The following CYP21A2 variants were observed in gnomAD, a reference collection of about 807,000 sequenced individuals.
The protein encoded by CYP21A2 is cytochrome P450 family 21 subfamily A member 2, also known as steroid 21-hydroxylase.
A neutral mutation model predicts 47.4 loss-of-function variants in CYP21A2; 24 were observed. That is an observed-to-expected ratio of 0.51 (90% CI 0.37 to 0.71). The LOEUF (loss-of-function observed/expected upper bound fraction) is 0.71. Among genes scored for constraint, CYP21A2 ranks in the 30% least tolerant of loss-of-function variants. The pLI is 0.00. For synonymous variants in CYP21A2, 130 were observed against 273.9 expected, an observed-to-expected ratio of 0.47 and a Z score of 5.19; for missense variants, 358 against 643.2, an observed-to-expected ratio of 0.56 and a Z score of 4.80.
chr6:32,039,655 C>T lies in CYP21A2; in HGVS notation c.651+8C>T, dbSNP rs1776127751. On this transcript the variant is annotated splice_region_variant and intron_variant, in intron 5 of 9. Transcript: ENST00000644719. ...GTGATTCCCTTTCTCAGGGTGAGGA[C>T]CTGGAGCCTAGACACCCCTGGGTTG... 3 of 1,562,832 alleles carry T rather than the reference C, an allele frequency of 1.9e-6. No homozygotes were observed. The highest frequency in any genetic ancestry group is 1.7e-6 in the Non-Finnish European group (2 of 1,152,656).
Position 32,040,142 on chromosome 6 carries a change from T to C in CYP21A2, c.876T>C (p.Gly292=), listed in dbSNP as rs1250938563. The C allele has an allele frequency of 6.2e-7, 1 of 1,612,846 alleles. No individual in the cohort carries two copies. The change falls in exon 7 of 10, where the codon GGT becomes GGC. Residue 292 remains glycine (G), a synonymous_variant. Coordinates refer to ENST00000644719, the MANE Select transcript of CYP21A2 (RefSeq NM_000500.9). ...TGGCTGCAGTGGACCTCCTGATCGG[T>C]GGCACTGAGACCACAGCAAACACCC... ...VHMAAVDLLI[G]GTETTANTLS...
At position 32,041,468 on chromosome 6, in the gene CYP21A2, AAG is replaced by A. The variant is rs529347972; in HGVS notation, c.*341_*342del. Reference sequence around the variant, plus strand: ...CTCACTCCCTGGGAAAGGGGTTGTCAAGAGAGAGTCAAAGCCGGATGTCCCAT... The same window carrying A: ...CTCACTCCCTGGGAAAGGGGTTGTCAAGAGAGTCAAAGCCGGATGTCCCAT... On this transcript the variant is annotated 3_prime_UTR_variant, in exon 10 of 10. Transcript: ENST00000644719. The A allele has an allele frequency of 1.4e-4, 148 of 1,053,114 alleles. 2 individuals carry two copies. In the South Asian group the frequency reaches 1.8e-3, roughly 13 times the overall value. 65.2% of individuals were successfully genotyped at this position (1,053,114 alleles called of 1,614,324 possible).
Position 32,040,882 on chromosome 6 carries a change from G to C in CYP21A2, c.1236G>C (p.Glu412Asp). ...ACCCGCCCGCAGATCGCTTCCTGGA[G>C]CCAGGCAAGAACTCCAGAGCTCTGG... ...PHEFWPDRFLEPGKNSRALAF... is the reference protein window; with the variant it reads ...PHEFWPDRFLDPGKNSRALAF... The change falls in exon 10 of 10, where the codon GAG becomes GAC. Residue 412 changes from glutamate to aspartate, a missense_variant. By Grantham distance (45) the Glu-to-Asp change is conservative. Coordinates refer to ENST00000644719, the MANE Select transcript of CYP21A2 (RefSeq NM_000500.9). The C allele has an allele frequency of 7.5e-7, 1 of 1,333,242 alleles. No homozygotes were observed. Among genetic ancestry groups the C allele is most frequent in the African/African-American group, 1.4e-5 (1 of 70,678 alleles). 82.6% of individuals were successfully genotyped at this position (1,333,242 alleles called of 1,614,324 possible). A position where few individuals can be genotyped will look rare whatever the true frequency, so the allele number is the denominator to read the frequency against.
chr6:32,040,478 A>G lies in CYP21A2; in HGVS notation c.1012A>G (p.Lys338Glu). The G allele has an allele frequency of 6.2e-7, 1 of 1,613,342 alleles. No individual in the cohort carries two copies. Among genetic ancestry groups the G allele is most frequent in the Non-Finnish European group, 8.5e-7 (1 of 1,179,780 alleles). Residue 338 changes from lysine (K) to glutamate (E), a missense_variant, in exon 8 of 10, where the codon AAG (lysine) becomes GAG (glutamate). Physicochemically the swap from Lys to Glu is moderately conservative, Grantham distance 56. Coordinates refer to ENST00000644719, the MANE Select transcript of CYP21A2 (RefSeq NM_000500.9). The stretch of plus-strand genomic sequence containing the variant: ...TGCCTCCAGCTCCCGGGTCCCCTAC[A>G]AGGACCGTGCACGGCTGCCCTTGCT... ...PGASSSRVPYKDRARLPLLNA... is the reference protein window; with the variant it reads ...PGASSSRVPYEDRARLPLLNA...
intron 6 of CYP21A2, 21 bp from the exon 7 acceptor site, chr6:32,039,984 C>G (rs6465): frequency 6.2e-7 from 1 of 1,606,298 alleles, no homozygotes; most frequent in Non-Finnish European, 8.5e-7. Flanking sequence ...CCGCTCAGCC[C>G]GCTCCTTTCA....
chr6:32,039,062 T>TGCCCCCC, intron 2 of CYP21A2, 32 bp from the exon 3 acceptor site: 4 of 1,565,814 alleles, frequency 2.6e-6, no homozygotes, highest in Non-Finnish European at 3.5e-6. Context: ...CTTCATCAGT[T>TGCCCCCC]CCCACCCTCC....
At chr6:32,039,062 T>TTCCC in intron 2 of CYP21A2, 32 bp from the exon 3 acceptor site, 25 of 1,565,668 alleles carry the variant, frequency 1.6e-5, no homozygotes, top group Non-Finnish European at 1.8e-5. Flanking sequence ...CTTCATCAGT[T>TTCCC]CCCACCCTCC....
At position 32,038,985 on chromosome 6, in the gene CYP21A2, G is replaced by A. The variant is rs182129909; in HGVS notation, c.293-109G>A. On this transcript the variant is annotated intron_variant, in intron 2 of 9. Coordinates refer to ENST00000644719, the MANE Select transcript of CYP21A2 (RefSeq NM_000500.9). ...CAATCCAGGTCCCTGGAAGCTCTTG[G>A]GGGGGCATATCTGGTGGGGAGAAAG... 8 of 1,488,372 alleles carry A rather than the reference G, an allele frequency of 5.4e-6. 1 individual carries two copies. The Admixed American group carries it at 8.8e-5, about 16-fold the overall frequency. The allele number at this position is 1,488,372 out of a possible 1,614,324, so 92.2% of individuals were successfully genotyped here.
chr6:32,039,069 C>T (rs867214467), intron 2 of CYP21A2, 25 bp from the exon 3 acceptor site: 1 of 1,584,332 alleles, frequency 6.3e-7, no homozygotes, highest in East Asian at 2.3e-5. Context: ...AGTTCCCACC[C>T]TCCAGCCCCC....
At position 32,041,096 on chromosome 6, in the gene CYP21A2, C is replaced by G; in HGVS notation, c.1450C>G (p.Arg484Gly). The G allele has an allele frequency of 6.3e-7, 1 of 1,586,958 alleles. No homozygotes were observed. Among genetic ancestry groups the G allele is most frequent in the Non-Finnish European group, 8.6e-7 (1 of 1,168,582 alleles). ...GCCTTTCCAAGTGCGGCTGCAGCCC[C>G]GGGGGATGGGGGCCCACAGCCCGGG... ...MQPFQVRLQP[R>G]GMGAHSPGQS... The change falls in exon 10 of 10, where the codon CGG becomes GGG. Residue 484 changes from arginine to glycine, a missense_variant. By Grantham distance (125) the Arg-to-Gly change is moderately radical. Coordinates refer to ENST00000644719, the MANE Select transcript of CYP21A2 (RefSeq NM_000500.9).
rs1776367990 is a variant in CYP21A2 at position 32,041,357 on chromosome 6, C to T, written c.*223C>T. On this transcript the variant is annotated 3_prime_UTR_variant, in exon 10 of 10. Transcript: ENST00000644719. ...GAGAGGTGGGCAGCAGCTCAGCCTC[C>T]CCCCGCTGGGGAGCGAAAGTTTCTT... 3.2e-6 allele frequency: 3 copies of T among 950,120 alleles called. No individual in the cohort carries two copies. The highest frequency in any genetic ancestry group is 5.0e-6 in the Non-Finnish European group (3 of 601,064). 58.9% of individuals were successfully genotyped at this position (950,120 alleles called of 1,614,324 possible). A position where few individuals can be genotyped will look rare whatever the true frequency, so the allele number is the denominator to read the frequency against.
In CYP21A2 at chr6:32,040,522, G is replaced by A; in HGVS notation, c.1056G>A (p.Glu352=). ...CCTTGCTCAATGCCACCATCGCCGAGGTGCTGCGCCTGCGGCCCGTTGTGC... is the reference window on the plus strand; with the variant it reads ...CCTTGCTCAATGCCACCATCGCCGAAGTGCTGCGCCTGCGGCCCGTTGTGC... ...RLPLLNATIA[E]VLRLRPVVPL... is the part of the protein sequence containing the mutation. Residue 352 remains glutamate, a synonymous_variant, in exon 8 of 10, where the codon GAG becomes GAA. Coordinates refer to ENST00000644719, the MANE Select transcript of CYP21A2 (RefSeq NM_000500.9). 6.2e-7 allele frequency: 1 copy of A among 1,613,658 alleles called. No homozygotes were observed. The highest frequency in any genetic ancestry group is 8.5e-7 in the Non-Finnish European group (1 of 1,179,836).
Position 32,041,528 on chromosome 6 carries a change from C to A in CYP21A2, c.*394C>A. On this transcript the variant is annotated 3_prime_UTR_variant, in exon 10 of 10. Coordinates refer to ENST00000644719, the MANE Select transcript of CYP21A2 (RefSeq NM_000500.9). ...TCCCGTTCCCCTTAAGGAGGTAGCT[C>A]CCAGCACTCAACCAACCTCCCCGCA... is the stretch of plus-strand genomic sequence containing the variant. The A allele has an allele frequency of 8.6e-7, 1 of 1,162,166 alleles. No homozygotes were observed. The highest frequency in any genetic ancestry group is 1.2e-6 in the Non-Finnish European group (1 of 800,438). The allele number at this position is 1,162,166 out of a possible 1,614,324, so 72.0% of individuals were successfully genotyped here.
Position 32,039,405 on chromosome 6 carries a change from C to G in CYP21A2, c.497C>G (p.Ser166Cys). 2.5e-6 allele frequency: 4 copies of G among 1,613,220 alleles called. No homozygotes were observed. In the South Asian group the frequency reaches 3.3e-5, roughly 13 times the overall value. ...CCTGTGGCCATTGAGGAGGAATTCTCTCTCCTCACCTGCAGCATCATCTGT... is the reference window on the plus strand; with the variant it reads ...CCTGTGGCCATTGAGGAGGAATTCTGTCTCCTCACCTGCAGCATCATCTGT... ...GTPVAIEEEF[S>C]LLTCSIICYL... Residue 166 changes from serine to cysteine, a missense_variant, in exon 4 of 10, where the codon TCT (serine) becomes TGT (cysteine). By Grantham distance (112) the Ser-to-Cys change is moderately radical. Transcript: ENST00000644719.
Position 32,041,497 on chromosome 6 carries a change from T to G in CYP21A2, c.*363T>G. ...GAGAGTCAAAGCCGGATGTCCCATCTGCTCTTCCCGTTCCCCTTAAGGAGG... is the reference window on the plus strand; with the variant it reads ...GAGAGTCAAAGCCGGATGTCCCATCGGCTCTTCCCGTTCCCCTTAAGGAGG... On this transcript the variant is annotated 3_prime_UTR_variant, in exon 10 of 10. Coordinates refer to ENST00000644719, the MANE Select transcript of CYP21A2 (RefSeq NM_000500.9). 1 of 1,230,344 alleles carries G rather than the reference T, an allele frequency of 8.1e-7. No homozygotes were observed. The highest frequency in any genetic ancestry group is 2.0e-5 in the Admixed American group (1 of 50,232). The allele number at this position is 1,230,344 out of a possible 1,614,324, so 76.2% of individuals were successfully genotyped here.
rs1776119590 is a variant in CYP21A2, at chr6:32,039,586, A to T, written c.590A>T (p.Glu197Val). 6.3e-7 allele frequency: 1 copy of T among 1,578,114 alleles called. No homozygotes were observed. Among genetic ancestry groups the T allele is most frequent in the Non-Finnish European group, 8.6e-7 (1 of 1,160,188 alleles). ...CCTGCCTATTACAAATGTATCCAGG[A>T]GGTGTTAAAAACCTGGAGCCACTGG... ...LMPAYYKCIQ[E>V]VLKTWSHWSI... Residue 197 changes from glutamate (E) to valine (V), a missense_variant, in exon 5 of 10, where the codon GAG becomes GTG. Physicochemically the swap from Glu to Val is moderately radical, Grantham distance 121. Coordinates refer to ENST00000644719, the MANE Select transcript of CYP21A2 (RefSeq NM_000500.9).
In CYP21A2 at chr6:32,039,842, A is replaced by G. The variant is rs745622551; in HGVS notation, c.738+7A>G. 1 of 1,613,224 alleles carries G rather than the reference A, an allele frequency of 6.2e-7. No homozygotes were observed. Among genetic ancestry groups the G allele is most frequent in the East Asian group, 2.2e-5 (1 of 44,832 alleles). On this transcript the variant is annotated splice_region_variant and intron_variant, in intron 6 of 9. Coordinates refer to ENST00000644719, the MANE Select transcript of CYP21A2 (RefSeq NM_000500.9). The stretch of plus-strand genomic sequence containing the variant: ...GCAGCTGAGGCAGCACAAGGTGGGG[A>G]CTGTACGTGGACGGCCTCCCCTCGG...
chr6:32,039,073 A>T (rs1464530551), intron 2 of CYP21A2, 21 bp from the exon 3 acceptor site: 2 of 1,457,738 alleles, frequency 1.4e-6, no homozygotes, highest in Admixed American at 3.6e-5. Context: ...CCCACCCTCC[A>T]GCCCCCACCT....
At chr6:32,038,928 G>A (rs1776032513) in intron 2 of CYP21A2, 117 bp downstream of exon 2, 15 of 1,419,784 alleles carry the variant, frequency 1.1e-5, no homozygotes, top group Non-Finnish European at 1.5e-5. Context: ...TCCCACCTCA[G>A]CCTCAAGTGT....
Sources: allele counts gnomAD v4.1 joint callset, GRCh38; gene constraint gnomAD v4.1.1; transcripts MANE v1.5; gene names NCBI Gene and HGNC (gene_info 2026-07-23, HGNC 2026-07-21).